Variants in SEPTIN11 observed in about 807,000 individuals in gnomAD.
SEPTIN11 encodes septin 11, also known as septin-11.
SEPTIN11 carries 25 observed loss-of-function variants against 51.4 expected under a neutral mutation model. The observed-to-expected ratio is 0.49, with a 90% confidence interval of 0.35 to 0.68. The LOEUF (loss-of-function observed/expected upper bound fraction) is 0.68. Among genes scored for constraint, SEPTIN11 ranks in the 30% least tolerant of loss-of-function variants. The pLI, the probability that SEPTIN11 is intolerant of heterozygous loss-of-function variation, is 0.00. For missense variants in SEPTIN11, 381 were observed against 520.8 expected (o/e 0.73, Z 2.61); for synonymous variants, 174 against 184.1 (o/e 0.95, Z 0.44).
chr4:77,039,378 T>C, downstream of SEPTIN11: 2 of 1,080,016 alleles, frequency 1.9e-6, no homozygotes, highest in Middle Eastern at 4.4e-4. Context: ...CCCAAGGTCT[T>C]GTGCTGGGAT....
chr4:77,014,803 G>A, intron 4 of SEPTIN11, 53 bp from the exon 5 acceptor site: 1 of 1,561,578 alleles, frequency 6.4e-7, no homozygotes, highest in South Asian at 1.1e-5. Flanking sequence ...TTATTCACTT[G>A]TCTATTTTTC....
At chr4:76,998,296 T>C (rs1381061058) in intron 2 of SEPTIN11, among the ~76,000 whole-genome samples, 1 of 152,198 alleles carries the variant, frequency 6.6e-6, no homozygotes, top group Non-Finnish European at 1.5e-5. Context: ...CCATTTCCAT[T>C]TCACAGAGAT....
At chr4:77,039,041 G>A (rs575656944), downstream of SEPTIN11, 15 of 1,256,800 alleles carry the variant, frequency 1.2e-5, no homozygotes, top group East Asian at 8.4e-4. Flanking sequence ...AATCAAATTT[G>A]AATCTGAACC....
rs1355093781 is a variant in SEPTIN11, at chr4:77,035,180, G to A, written c.*668G>A. On this transcript the variant is annotated 3_prime_UTR_variant, in exon 10 of 10. Coordinates refer to ENST00000264893, the MANE Select transcript of SEPTIN11 (RefSeq NM_018243.4). ...CTTCAATCCTGGCCAAGTTGGAGTA[G>A]ACTGGTATGAGAAAACTATGATTAG... 1.0e-6 allele frequency: 1 copy of A among 985,312 alleles called. No homozygotes were observed. The highest frequency in any genetic ancestry group is 1.2e-6 in the Non-Finnish European group (1 of 829,962). The allele number at this position is 985,312 out of a possible 1,614,324, so 61.0% of individuals were successfully genotyped here.
In SEPTIN11 at chr4:76,953,089, C is replaced by G. The variant is rs1456517594; in HGVS notation, c.27+3159C>G. The stretch of plus-strand genomic sequence containing the variant: ...ACAAAAAATATGTGTTTAAACTTCA[C>G]TGGTGGTGGAGATTTCCCTATGATA... On this transcript the variant is annotated intron_variant, in intron 1 of 9. Transcript: ENST00000264893. 2.0e-5 allele frequency among the ~76,000 whole-genome samples: 3 copies of G among 152,190 alleles called. No homozygotes were observed. In the East Asian group the frequency reaches 5.8e-4, roughly 29 times the overall value.
chr4:76,956,334 T>C (rs1298314215), intron 1 of SEPTIN11, among the ~76,000 whole-genome samples: 1 of 152,068 alleles, frequency 6.6e-6, no homozygotes, highest in Non-Finnish European at 1.5e-5. Flanking sequence ...CAGGAAGAAG[T>C]TGTCAGTTAA....
At chr4:77,016,300 G>T (rs1419960118) in intron 5 of SEPTIN11, among the ~76,000 whole-genome samples, 1 of 151,646 alleles carries the variant, frequency 6.6e-6, no homozygotes, top group African/African-American at 2.4e-5. Flanking sequence ...TTGCATGGCT[G>T]TGGGTAGTGG....
At chr4:77,006,760 A>C (rs1009676429) in intron 3 of SEPTIN11, among the ~76,000 whole-genome samples, 1 of 152,266 alleles carries the variant, frequency 6.6e-6, no homozygotes, top group South Asian at 2.1e-4. Context: ...TCAAAACTGT[A>C]TATTATACAC....
intron 2 of SEPTIN11, 105 bp from the exon 3 acceptor site, chr4:77,005,496 C>G (rs2109947595): frequency 9.6e-7 from 1 of 1,039,324 alleles, no homozygotes; most frequent in Admixed American, 2.6e-5. Flanking sequence ...GACAGTTTTT[C>G]TTTTTTAAAC....
intron 9 of SEPTIN11, among the ~76,000 whole-genome samples, chr4:77,032,548 A>G (rs910168866): frequency 6.6e-6 from 1 of 152,116 alleles, no homozygotes; most frequent in Admixed American, 6.5e-5. Flanking sequence ...AACCAAGGAT[A>G]TAGGGGTGTG....
At chr4:77,016,357 C>T (rs1243255617) in intron 5 of SEPTIN11, among the ~76,000 whole-genome samples, 1 of 151,132 alleles carries the variant, frequency 6.6e-6, no homozygotes, top group Non-Finnish European at 1.5e-5. Context: ...ACACTCTCAC[C>T]CTGTGTACTG....
intron 1 of SEPTIN11, among the ~76,000 whole-genome samples, chr4:76,965,183 G>T (rs1264527882): frequency 6.6e-6 from 1 of 152,084 alleles, no homozygotes; most frequent in Non-Finnish European, 1.5e-5. Flanking sequence ...ACACATGGTG[G>T]CTCACACCTG....
chr4:76,949,965 C>T lies in SEPTIN11; in HGVS notation c.27+35C>T, dbSNP rs1193494448. 4.9e-6 allele frequency: 7 copies of T among 1,438,136 alleles called. No individual in the cohort carries two copies. The Admixed American group carries it at 1.4e-4, about 29-fold the overall frequency. The allele number at this position is 1,438,136 out of a possible 1,614,324, so 89.1% of individuals were successfully genotyped here. Reference sequence around the variant, plus strand: ...GGGGCCTCGCCTGCTGCTCCTCGGGCGCCGGGTGGTCTCTGCTCTGGGGCG... The same window carrying T: ...GGGGCCTCGCCTGCTGCTCCTCGGGTGCCGGGTGGTCTCTGCTCTGGGGCG... On this transcript the variant is annotated intron_variant, in intron 1 of 9. Coordinates refer to ENST00000264893, the MANE Select transcript of SEPTIN11 (RefSeq NM_018243.4).
rs1727022060 is a variant in SEPTIN11, at chr4:77,036,336, C to A, written c.*1824C>A. The A allele has an allele frequency of 9.6e-7, 1 of 1,038,062 alleles. No homozygotes were observed. The highest frequency in any genetic ancestry group is 1.2e-6 in the Non-Finnish European group (1 of 862,364). 64.3% of individuals were successfully genotyped at this position (1,038,062 alleles called of 1,614,324 possible). A position where few individuals can be genotyped will look rare whatever the true frequency, so the allele number is the denominator to read the frequency against. ...TGTGGAGCAGCCAAATAGTAGCTGGCATGTTGATTCAAACCATGGGCTGAA... is the reference window on the plus strand; with the variant it reads ...TGTGGAGCAGCCAAATAGTAGCTGGAATGTTGATTCAAACCATGGGCTGAA... On this transcript the variant is annotated 3_prime_UTR_variant, in exon 10 of 10. Coordinates refer to ENST00000264893, the MANE Select transcript of SEPTIN11 (RefSeq NM_018243.4).
intron 7 of SEPTIN11, among the ~76,000 whole-genome samples, chr4:77,023,269 TAC>T (rs61693678): frequency 0.041 from 5,668 of 139,156 alleles, 125 homozygotes; most frequent in African/African-American, 0.075. Context: ...GGAAAATGTA[TAC>T]ACACACACAC....
chr4:76,974,235 C>T (rs535714979), intron 1 of SEPTIN11, among the ~76,000 whole-genome samples: 5 of 152,276 alleles, frequency 3.3e-5, no homozygotes, highest in African/African-American at 1.2e-4. Context: ...CGTGACTCTT[C>T]CTAATTCCTT....
At chr4:76,996,384 T>C in intron 1 of SEPTIN11, 41 bp from the exon 2 acceptor site, 1 of 1,335,112 alleles carries the variant, frequency 7.5e-7, no homozygotes, top group East Asian at 2.3e-5. Context: ...CCAGGTGGCA[T>C]GGTTCATGGA....
intron 1 of SEPTIN11, among the ~76,000 whole-genome samples, chr4:76,961,100 G>T (rs781557862): frequency 2.0e-5 from 3 of 152,186 alleles, no homozygotes; most frequent in Non-Finnish European, 4.4e-5. Flanking sequence ...GGAGGATCTT[G>T]TCAGGCTCTT....
intron 5 of SEPTIN11, among the ~76,000 whole-genome samples, chr4:77,015,556 G>A (rs927282484): frequency 1.3e-5 from 2 of 152,114 alleles, no homozygotes; most frequent in Admixed American, 1.3e-4. Flanking sequence ...ATCCCTCCTG[G>A]TGAGTCTCCA....
Sources: allele counts gnomAD v4.1 joint callset (sites outside exome capture counted in the v4.1 genomes callset), GRCh38; gene constraint gnomAD v4.1.1; transcripts MANE v1.5; gene names NCBI Gene and HGNC (gene_info 2026-07-23, HGNC 2026-07-21).